DYNLT2B: variants seen among roughly 807,000 people sequenced by gnomAD.
The protein encoded by DYNLT2B is dynein light chain Tctex-type protein 2B.
DYNLT2B carries 14 observed loss-of-function variants against 19.5 expected under a neutral mutation model. That is an observed-to-expected ratio of 0.72 (90% CI 0.47 to 1.12). The LOEUF is 1.12. Among genes scored for constraint, DYNLT2B ranks in the 50% most tolerant of loss-of-function variants. DYNLT2B has a pLI of 0.00. For synonymous variants in DYNLT2B, 70 were observed against 59.7 expected (o/e 1.17, Z -0.79); for missense variants, 133 against 174.7 (o/e 0.76, Z 1.35).
At chr3:196,296,293 C>T (rs1281041847) in intron 3 of DYNLT2B, 4 of 475,282 alleles carry the variant, frequency 8.4e-6, no homozygotes, top group Non-Finnish European at 1.5e-5. Flanking sequence ...AGGTGACCAG[C>T]CAGGTACTCT....
intron 1 of DYNLT2B, 33 bp from the exon 2 acceptor site, chr3:196,316,264 T>C (rs1176576448): frequency 6.3e-7 from 1 of 1,588,470 alleles, no homozygotes; most frequent in Admixed American, 1.7e-5. Flanking sequence ...ATCCAGTCGG[T>C]GACTCCACAA....
chr3:196,310,550 T>C (rs1726611202), intron 2 of DYNLT2B, among the ~76,000 whole-genome samples: 1 of 151,744 alleles, frequency 6.6e-6, no homozygotes, highest in African/African-American at 2.4e-5. Context: ...CACCTGAGCC[T>C]TCTGAGTAGC....
chr3:196,311,661 T>TTTTATTTA lies in DYNLT2B; in HGVS notation c.247+4429_247+4436dup, dbSNP rs148137456. ...AGCATAAAGGTGAAGATGAGGATTA[T>TTTTATTTA]TTTATTTATTTATTTATTTATTTAT... On this transcript the variant is annotated intron_variant, in intron 2 of 4. Transcript: ENST00000325318. 8.9e-3 allele frequency among the ~76,000 whole-genome samples: 1,317 copies of TTTTATTTA among 147,662 alleles called. 24 individuals are homozygous for TTTTATTTA. The highest frequency in any genetic ancestry group is 0.029 in the African/African-American group (1,172 of 40,142).
Position 196,303,965 on chromosome 3 carries a change from G to A in DYNLT2B, c.317+2978C>T, listed in dbSNP as rs533209749. 4.1e-4 allele frequency among the ~76,000 whole-genome samples: 63 copies of A among 152,304 alleles called. No individual in the cohort carries two copies. In the South Asian group the frequency reaches 0.013, roughly 32 times the overall value. ...TTAAGCCCAAGAGGTCAAAGCTGCA[G>A]TGAGCCACGGTTGCACCACTGCACT... On this transcript the variant is annotated intron_variant, in intron 3 of 4. Transcript: ENST00000325318.
intron 3 of DYNLT2B, among the ~76,000 whole-genome samples, chr3:196,306,144 G>A (rs1171319902): frequency 6.6e-6 from 1 of 151,562 alleles, no homozygotes; most frequent in Admixed American, 6.6e-5. Context: ...TGGCATGGTG[G>A]TTCAAGCCTA....
At chr3:196,292,269 C>G (rs1246875189) in intron 4 of DYNLT2B, 1 of 152,270 alleles carries the variant, frequency 6.6e-6, no homozygotes, top group Non-Finnish European at 1.5e-5. Flanking sequence ...CCACCTGCCT[C>G]AGCAACTCCT....
In DYNLT2B at chr3:196,318,193, C is replaced by CT. The variant is rs1726946279; in HGVS notation, c.-42dup. On this transcript the variant is annotated 5_prime_UTR_variant, in exon 1 of 5. Transcript: ENST00000325318. ...TCCGGGCGTAGCTCGCGATGAAGGC[C>CT]TAGCGGGTTGCGGTCGCGGCCGGCA... The CT allele has an allele frequency of 7.8e-7, 1 of 1,276,116 alleles. No individual in the cohort carries two copies. The highest frequency in any genetic ancestry group is 1.5e-5 in the African/African-American group (1 of 64,518). The allele number at this position is 1,276,116 out of a possible 1,614,324, so 79.0% of individuals were successfully genotyped here. A position where few individuals can be genotyped will look rare whatever the true frequency, so the allele number is the denominator to read the frequency against.
chr3:196,297,323 G>A (rs1432016135), intron 3 of DYNLT2B, among the ~76,000 whole-genome samples: 6 of 152,120 alleles, frequency 3.9e-5, no homozygotes, highest in Admixed American at 2.6e-4. Context: ...TCAGGAGTTC[G>A]AGACCAGCCT....
chr3:196,306,984 C>A lies in DYNLT2B; in HGVS notation c.276G>T (p.Val92=), dbSNP rs751149769. 1.2e-6 allele frequency: 2 copies of A among 1,613,900 alleles called. No homozygotes were observed. Among genetic ancestry groups the A allele is most frequent in the African/African-American group, 2.7e-5 (2 of 74,890 alleles). Residue 92 remains valine (V), a synonymous_variant, in exon 3 of 5, where the codon GTG becomes GTT. Coordinates refer to ENST00000325318, the MANE Select transcript of DYNLT2B (RefSeq NM_152773.5). ...TTTGTTCTCCAATCACTACTTGCACCACCATTTTGTATCGGTCAAATCCCA... is the reference window on the plus strand; with the variant it reads ...TTTGTTCTCCAATCACTACTTGCACAACCATTTTGTATCGGTCAAATCCCA... ...KEMGFDRYKM[V]VQVVIGEQRG...
At position 196,317,330 on chromosome 3, in the gene DYNLT2B, G is replaced by C. The variant is rs1249398961; in HGVS notation, c.113+710C>G. Among the ~76,000 whole-genome samples, 2 of 88,710 alleles carry C rather than the reference G, an allele frequency of 2.3e-5. 1 individual carries two copies. The highest frequency in any genetic ancestry group is 7.5e-5 in the African/African-American group (2 of 26,756). The allele number at this position is 88,710 out of a possible 152,430, so 58.2% of individuals were successfully genotyped here. A position where few individuals can be genotyped will look rare whatever the true frequency, so the allele number is the denominator to read the frequency against. On this transcript the variant is annotated intron_variant, in intron 1 of 4. Coordinates refer to ENST00000325318, the MANE Select transcript of DYNLT2B (RefSeq NM_152773.5). ...TTAGTGATCTTACAAACCTAGCTGA[G>C]TACCCTCTGCTCTGGCCCGTGAGCC...
intron 2 of DYNLT2B, among the ~76,000 whole-genome samples, chr3:196,307,998 T>C (rs377338827): frequency 9.3e-4 from 141 of 150,974 alleles, no homozygotes; most frequent in African/African-American, 3.1e-3. Context: ...GGAGAATTGC[T>C]TGAACCTGGG....
chr3:196,302,375 T>G (rs988126555), intron 3 of DYNLT2B, among the ~76,000 whole-genome samples: 7 of 152,206 alleles, frequency 4.6e-5, no homozygotes, highest in Admixed American at 1.3e-4. Flanking sequence ...GGGTAGGGAA[T>G]GAACACAGTG....
chr3:196,295,909 A>T (rs749510772), intron 4 of DYNLT2B, 97 bp downstream of exon 4: 61 of 1,014,252 alleles, frequency 6.0e-5, no homozygotes, highest in Non-Finnish European at 8.6e-5. Flanking sequence ...TGAATGACTA[A>T]GACAGCAGTG....
At chr3:196,314,113 T>C (rs1484472409) in intron 2 of DYNLT2B, among the ~76,000 whole-genome samples, 2 of 151,576 alleles carry the variant, frequency 1.3e-5, no homozygotes, top group East Asian at 1.9e-4. Flanking sequence ...AAAAACCTTA[T>C]GGATACTTTT....
chr3:196,291,239 C>T lies in DYNLT2B; in HGVS notation c.*88G>A. 8.0e-7 allele frequency: 1 copy of T among 1,244,346 alleles called. No homozygotes were observed. Among genetic ancestry groups the T allele is most frequent in the Non-Finnish European group, 1.1e-6 (1 of 887,498 alleles). The allele number at this position is 1,244,346 out of a possible 1,614,324, so 77.1% of individuals were successfully genotyped here. A position where few individuals can be genotyped will look rare whatever the true frequency, so the allele number is the denominator to read the frequency against. On this transcript the variant is annotated 3_prime_UTR_variant, in exon 5 of 5. Coordinates refer to ENST00000325318, the MANE Select transcript of DYNLT2B (RefSeq NM_152773.5). Reference sequence around the variant, plus strand: ...ACAGATTCAGTTGTCAAACTACTAACATCTTTATTTTGTCAAGATATTTAA... The same window carrying T: ...ACAGATTCAGTTGTCAAACTACTAATATCTTTATTTTGTCAAGATATTTAA...
At chr3:196,296,535 A>G (rs562998927) in intron 3 of DYNLT2B, among the ~76,000 whole-genome samples, 1 of 152,326 alleles carries the variant, frequency 6.6e-6, no homozygotes, top group Admixed American at 6.5e-5. Context: ...ACAGAATGCT[A>G]AACTACCTTG....
At chr3:196,291,953 AG>A (rs1726105504) in intron 4 of DYNLT2B, among the ~76,000 whole-genome samples, 1 of 152,246 alleles carries the variant, frequency 6.6e-6, no homozygotes, top group Admixed American at 6.5e-5. Context: ...AATGAACTTT[AG>A]GTAATACATA....
intron 3 of DYNLT2B, chr3:196,298,050 C>T (rs918151286): frequency 3.7e-5 from 8 of 214,716 alleles, no homozygotes; most frequent in African/African-American, 1.9e-4. Context: ...TGCCAGCTCA[C>T]GTGCAGTTCC....
chr3:196,306,247 C>CA (rs112341100), intron 3 of DYNLT2B, among the ~76,000 whole-genome samples: 10,071 of 104,216 alleles, frequency 0.097, 447 homozygotes, highest in Middle Eastern at 0.15. Flanking sequence ...CCCATCTCTG[C>CA]AAAAAAAAAA....
Sources: allele counts gnomAD v4.1 joint callset (sites outside exome capture counted in the v4.1 genomes callset), GRCh38; gene constraint gnomAD v4.1.1; transcripts MANE v1.5; gene names NCBI Gene and HGNC (gene_info 2026-07-23, HGNC 2026-07-21).